RAD51B: variants seen among roughly 807,000 people sequenced by gnomAD.
RAD51B encodes the protein DNA repair protein RAD51 homolog 2.
A neutral mutation model predicts 42.2 loss-of-function variants in RAD51B; 38 were observed. That is an observed-to-expected ratio of 0.90 (90% confidence interval 0.70 to 1.18). The LOEUF is 1.18. RAD51B is among the 50% of genes most tolerant of loss of function. The probability of loss-of-function intolerance (pLI) is 0.00; values close to 1 mark genes in which losing one functional copy is unlikely to be tolerated. For synonymous variants in RAD51B, 154 were observed against 145.2 expected, an observed-to-expected ratio of 1.06 and a Z score of -0.43; for missense variants, 373 against 400.7, an observed-to-expected ratio of 0.93 and a Z score of 0.59.
intron 7 of RAD51B, among the ~76,000 whole-genome samples, chr14:67,929,874 TC>T (rs1174317111): frequency 6.6e-6 from 1 of 152,030 alleles, no homozygotes; most frequent in Non-Finnish European, 1.5e-5. Flanking sequence ...AGTCTTGAGC[TC>T]CTGGCCTCAA....
intron 7 of RAD51B, among the ~76,000 whole-genome samples, chr14:67,930,344 T>G (rs986056491): frequency 6.6e-6 from 1 of 152,052 alleles, no homozygotes; most frequent in African/African-American, 2.4e-5. Context: ...TGTGTGTGTT[T>G]TTTTTTTCCA....
intron 8 of RAD51B, among the ~76,000 whole-genome samples, chr14:68,300,679 G>A (rs1319235973): frequency 6.6e-6 from 1 of 152,178 alleles, no homozygotes; most frequent in African/African-American, 2.4e-5. Flanking sequence ...CTTTGAATTT[G>A]TCTTCAGGAG....
chr14:68,219,549 G>C (rs2079883608), intron 7 of RAD51B, among the ~76,000 whole-genome samples: 1 of 152,052 alleles, frequency 6.6e-6, no homozygotes, highest in Non-Finnish European at 1.5e-5. Context: ...TACCAACCCA[G>C]AGCCCAAGAG....
intron 11 of RAD51B, among the ~76,000 whole-genome samples, chr14:68,653,943 A>G (rs1892756310): frequency 6.6e-6 from 1 of 152,266 alleles, no homozygotes; most frequent in Non-Finnish European, 1.5e-5. Context: ...GGAGATGAGG[A>G]TGAATGGGGG....
chr14:67,844,486 A>G (rs1221755213), intron 4 of RAD51B, among the ~76,000 whole-genome samples: 1 of 151,624 alleles, frequency 6.6e-6, no homozygotes, highest in Non-Finnish European at 1.5e-5. Context: ...TCTCTTCATA[A>G]GTCTTTAAGA....
At chr14:67,882,224 T>C (rs189003919) in intron 5 of RAD51B, among the ~76,000 whole-genome samples, 1 of 152,198 alleles carries the variant, frequency 6.6e-6, no homozygotes, top group African/African-American at 2.4e-5. Context: ...CCTCCTGCCT[T>C]GGCCTCCTAA....
chr14:68,274,966 G>A (rs1323402139), intron 7 of RAD51B, among the ~76,000 whole-genome samples: 2 of 152,222 alleles, frequency 1.3e-5, no homozygotes, highest in Non-Finnish European at 2.9e-5. Context: ...AGGCAATAAT[G>A]TCTGACTATA....
intron 8 of RAD51B, among the ~76,000 whole-genome samples, chr14:68,374,956 C>T (rs890279287): frequency 1.3e-5 from 2 of 151,362 alleles, no homozygotes; most frequent in African/African-American, 4.9e-5. Flanking sequence ...CCTCGGCTGG[C>T]GTGAATCCGA....
intron 8 of RAD51B, among the ~76,000 whole-genome samples, chr14:68,307,203 T>C (rs1041077610): frequency 6.6e-6 from 1 of 152,128 alleles, no homozygotes; most frequent in Non-Finnish European, 1.5e-5. Context: ...CTCTCCAGTG[T>C]GGCTCAAGGA....
intron 7 of RAD51B, among the ~76,000 whole-genome samples, chr14:67,922,994 A>G (rs1448698213): frequency 6.6e-6 from 1 of 151,786 alleles, no homozygotes; most frequent in East Asian, 2.0e-4. Flanking sequence ...CCCAGCCGTA[A>G]TATGTGGTCT....
intron 7 of RAD51B, among the ~76,000 whole-genome samples, chr14:68,121,843 T>G (rs961241752): frequency 6.6e-6 from 1 of 152,050 alleles, no homozygotes; most frequent in Non-Finnish European, 1.5e-5. Context: ...TAAAATGTAT[T>G]AAGCTACAAT....
chr14:68,203,882 T>G (rs563695448), intron 7 of RAD51B, among the ~76,000 whole-genome samples: 2 of 152,360 alleles, frequency 1.3e-5, no homozygotes, highest in South Asian at 4.1e-4. Flanking sequence ...TGCAGCTTTC[T>G]GATCTCTTTC....
At chr14:68,567,746 C>G (rs1161850560) in intron 10 of RAD51B, among the ~76,000 whole-genome samples, 1 of 152,232 alleles carries the variant, frequency 6.6e-6, no homozygotes, top group African/African-American at 2.4e-5. Flanking sequence ...CTGCATAGAT[C>G]TCCCTCTTCC....
chr14:68,153,792 T>G (rs920862034), intron 7 of RAD51B, among the ~76,000 whole-genome samples: 7 of 152,172 alleles, frequency 4.6e-5, no homozygotes, highest in African/African-American at 2.4e-5. Context: ...GGCGGCCTAC[T>G]TCCACCCTAA....
rs554646626 is a variant in RAD51B, at chr14:68,293,229, T to C, written c.853+1249T>C. ...AAATCTTAGAATAGTTTTTTTTGTT[T>C]GTTTCTTTTTTGTTGTTTGTTTTGT... On this transcript the variant is annotated intron_variant, in intron 8 of 10. Transcript: ENST00000471583. 7.2e-5 allele frequency among the ~76,000 whole-genome samples: 11 copies of C among 152,282 alleles called. No individual in the cohort carries two copies. In the Middle Eastern group the frequency reaches 0.017, roughly 235 times the overall value.
chr14:67,929,433 T>C (rs1464557675), intron 7 of RAD51B, among the ~76,000 whole-genome samples: 4 of 152,212 alleles, frequency 2.6e-5, no homozygotes, highest in Non-Finnish European at 5.9e-5. Flanking sequence ...TCTAGTTTTA[T>C]TCCATTGTGA....
At chr14:68,006,749 G>A (rs955874163) in intron 7 of RAD51B, among the ~76,000 whole-genome samples, 1 of 152,050 alleles carries the variant, frequency 6.6e-6, no homozygotes, top group Non-Finnish European at 1.5e-5. Context: ...GCTGTACCAA[G>A]CAAAGCTGAA....
downstream of RAD51B, among the ~76,000 whole-genome samples, chr14:68,613,652 C>T (rs984892181): frequency 2.0e-5 from 3 of 151,920 alleles, no homozygotes; most frequent in Admixed American, 6.5e-5. Context: ...GATGGGGTTT[C>T]ACCGTGTTAG....
intron 7 of RAD51B, among the ~76,000 whole-genome samples, chr14:68,023,476 G>A (rs1405001067): frequency 4.6e-5 from 7 of 152,048 alleles, no homozygotes. Context: ...ACAGGCGTGC[G>A]CCATGAGGCC....
Sources: allele counts gnomAD v4.1 joint callset (sites outside exome capture counted in the v4.1 genomes callset), GRCh38; gene constraint gnomAD v4.1.1; transcripts MANE v1.5; gene names NCBI Gene and HGNC (gene_info 2026-07-23, HGNC 2026-07-21).